Variants in UBR3 observed in about 807,000 individuals in gnomAD.
The protein encoded by UBR3 is ubiquitin protein ligase E3 component n-recognin 3.
UBR3 carries 85 observed loss-of-function variants against 243.2 expected under a neutral mutation model. The ratio of observed to expected loss-of-function variants is 0.35; its 90% CI spans 0.29 to 0.42. The LOEUF is 0.42. Among genes scored for constraint, UBR3 ranks in the 10% least tolerant of loss-of-function variants. The pLI is 1.00. For synonymous variants in UBR3, 748 were observed against 799.8 expected (o/e 0.94, Z 1.09); for missense variants, 1,686 against 2,300.8 (o/e 0.73, Z 5.47).
chr2:170,029,579 C>T (rs2090617339), intron 31 of UBR3, 131 bp downstream of exon 31: 1 of 672,616 alleles, frequency 1.5e-6, no homozygotes, highest in African/African-American at 1.9e-5. Context: ...AGAAATATAT[C>T]ATAAGAATTG....
At chr2:169,863,970 G>A (rs1225775737) in intron 1 of UBR3, among the ~76,000 whole-genome samples, 1 of 152,130 alleles carries the variant, frequency 6.6e-6, no homozygotes, top group Non-Finnish European at 1.5e-5. Context: ...TCTTCAGAAA[G>A]GCCTTCCCTG....
At chr2:170,004,745 T>C (rs996957178) in intron 27 of UBR3, among the ~76,000 whole-genome samples, 1 of 151,906 alleles carries the variant, frequency 6.6e-6, no homozygotes, top group African/African-American at 2.4e-5. Context: ...ACCCCATCTA[T>C]ACTAAAAACA....
intron 35 of UBR3, 64 bp downstream of exon 35, chr2:170,061,507 G>T (rs557649835): frequency 1.3e-6 from 2 of 1,578,432 alleles, no homozygotes; most frequent in South Asian, 2.3e-5. Context: ...TCTCTCTGTT[G>T]CCCAGACTGG....
At chr2:169,837,765 A>T (rs2082156614) in intron 1 of UBR3, among the ~76,000 whole-genome samples, 1 of 152,120 alleles carries the variant, frequency 6.6e-6, no homozygotes, top group African/African-American at 2.4e-5. Flanking sequence ...ACGTGTGGGG[A>T]TTATGGGGAT....
At chr2:170,026,747 C>A (rs1371341349) in intron 30 of UBR3, among the ~76,000 whole-genome samples, 1 of 152,020 alleles carries the variant, frequency 6.6e-6, no homozygotes, top group Non-Finnish European at 1.5e-5. Flanking sequence ...TATTGTTACT[C>A]AAAATTTTAA....
chr2:170,075,683 G>T (rs781371847), intron 36 of UBR3, among the ~76,000 whole-genome samples: 7 of 152,032 alleles, frequency 4.6e-5, no homozygotes, highest in Admixed American at 4.6e-4. Flanking sequence ...TCCTAACCCT[G>T]ATCCTGACCC....
intron 30 of UBR3, among the ~76,000 whole-genome samples, chr2:170,025,476 C>T (rs554320033): frequency 3.3e-5 from 5 of 151,964 alleles, no homozygotes; most frequent in South Asian, 2.1e-4. Flanking sequence ...CGACATGACA[C>T]GTTGGGGAAT....
chr2:170,008,700 A>C (rs1372364818), intron 28 of UBR3, 104 bp from the exon 29 acceptor site: 1 of 609,764 alleles, frequency 1.6e-6, no homozygotes, highest in East Asian at 3.1e-5. Context: ...TTGACTTTTT[A>C]ATTTTAATTT....
intron 23 of UBR3, among the ~76,000 whole-genome samples, chr2:169,954,709 G>A (rs1319056952): frequency 2.0e-5 from 3 of 151,784 alleles, no homozygotes; most frequent in Non-Finnish European, 4.4e-5. Flanking sequence ...CGAGTAGCTG[G>A]GATTACAGGT....
intron 10 of UBR3, among the ~76,000 whole-genome samples, chr2:169,912,297 C>A (rs982898744): frequency 6.6e-6 from 1 of 152,148 alleles, no homozygotes; most frequent in Non-Finnish European, 1.5e-5. Flanking sequence ...ACAAAGTTTA[C>A]CACTACTACC....
At chr2:169,907,418 C>G (rs1336388873) in intron 10 of UBR3, among the ~76,000 whole-genome samples, 1 of 152,104 alleles carries the variant, frequency 6.6e-6, no homozygotes, top group Non-Finnish European at 1.5e-5. Flanking sequence ...ATTCTGGAAA[C>G]TTTCTTCCCT....
At chr2:169,910,883 C>G (rs1222356160) in intron 10 of UBR3, among the ~76,000 whole-genome samples, 1 of 152,032 alleles carries the variant, frequency 6.6e-6, no homozygotes, top group Admixed American at 6.6e-5. Flanking sequence ...GTTTTTAAAG[C>G]CAGAATTTCC....
chr2:169,829,895 C>T (rs1430145998), intron 1 of UBR3, among the ~76,000 whole-genome samples: 3 of 151,598 alleles, frequency 2.0e-5, no homozygotes, highest in African/African-American at 4.9e-5. Flanking sequence ...TGTCCAGTTC[C>T]TTCCCGCTTA....
At chr2:169,883,940 C>A (rs937831617) in intron 5 of UBR3, among the ~76,000 whole-genome samples, 1 of 151,536 alleles carries the variant, frequency 6.6e-6, no homozygotes, top group East Asian at 1.9e-4. Context: ...TCAAGTGATT[C>A]TCCCGTCTCA....
intron 23 of UBR3, among the ~76,000 whole-genome samples, chr2:169,955,179 G>A (rs1182410761): frequency 2.0e-5 from 3 of 152,104 alleles, no homozygotes; most frequent in Non-Finnish European, 4.4e-5. Context: ...GATTAACTTT[G>A]ATCATGTCTG....
In UBR3 at chr2:170,055,476, T is replaced by A. The variant is rs2091313061; in HGVS notation, c.4677T>A (p.Ile1559=). The change falls in exon 33 of 39, where the codon ATT becomes ATA. Residue 1559 remains isoleucine (I), a synonymous_variant. Transcript: ENST00000272793. ...QPLRKDHFTC[I]VKVLFTLLYT... is the part of the protein sequence containing the mutation. ...CTCTTGCAGACCACTTTACCTGCATTGTGAAGGTACTTTTTACCCTACTGT... is the reference window on the plus strand; with the variant it reads ...CTCTTGCAGACCACTTTACCTGCATAGTGAAGGTACTTTTTACCCTACTGT... The A allele has an allele frequency of 2.5e-6, 4 of 1,613,412 alleles. No homozygotes were observed. The highest frequency in any genetic ancestry group is 3.4e-6 in the Non-Finnish European group (4 of 1,179,586).
At chr2:169,954,312 C>T (rs2087173654) in intron 23 of UBR3, among the ~76,000 whole-genome samples, 2 of 152,098 alleles carry the variant, frequency 1.3e-5, no homozygotes, top group African/African-American at 4.8e-5. Flanking sequence ...ATGATCACGG[C>T]TCACTGCAGC....
At chr2:169,866,137 C>T (rs181260233) in intron 1 of UBR3, among the ~76,000 whole-genome samples, 348 of 102,514 alleles carry the variant, frequency 3.4e-3, no homozygotes, top group Middle Eastern at 0.011. Flanking sequence ...GGCAACAGAG[C>T]GAGACTGTGT....
chr2:169,841,076 C>T (rs890078675), intron 1 of UBR3, among the ~76,000 whole-genome samples: 3 of 152,166 alleles, frequency 2.0e-5, no homozygotes, highest in Non-Finnish European at 2.9e-5. Context: ...ACTGTCTTGA[C>T]GAAACAGTCA....
Sources: gnomAD v4.1 joint callset for allele counts (sites outside exome capture counted in the v4.1 genomes callset) on GRCh38, gnomAD v4.1.1 for gene constraint, MANE v1.5 for transcripts, NCBI Gene and HGNC (gene_info 2026-07-23, HGNC 2026-07-21) for gene names.